SNTG1: variants seen among roughly 807,000 people sequenced by gnomAD.
The protein encoded by SNTG1 is gamma-1-syntrophin.
SNTG1 carries 39 observed loss-of-function variants against 74.7 expected under a neutral mutation model. The ratio of observed to expected loss-of-function variants is 0.52; its 90% confidence interval spans 0.40 to 0.68. The LOEUF is 0.68. Among genes scored for constraint, SNTG1 ranks in the 30% least tolerant of loss-of-function variants. The probability of loss-of-function intolerance (pLI) is 0.00; values close to 1 mark genes in which losing one functional copy is unlikely to be tolerated. For synonymous variants in SNTG1, 254 were observed against 217.1 expected (o/e 1.17, Z -1.49); for missense variants, 685 against 609.5 (o/e 1.12, Z -1.30).
chr8:50,296,589 C>T lies in SNTG1; in HGVS notation c.-27-97623C>T, dbSNP rs535311804. Among the ~76,000 whole-genome samples the T allele has an allele frequency of 3.9e-5, 6 of 152,134 alleles. No homozygotes were observed. The East Asian group carries it at 1.2e-3, about 29-fold the overall frequency. On this transcript the variant is annotated intron_variant, in intron 2 of 18. Coordinates refer to ENST00000642720, the MANE Select transcript of SNTG1 (RefSeq NM_018967.5). ...AAAACACAGGGACACAGGGAGGGAA[C>T]AACACACACTGGGGCCTGTCAGGAG...
At chr8:50,082,921 A>G (rs1391660915) in intron 1 of SNTG1, among the ~76,000 whole-genome samples, 1 of 152,152 alleles carries the variant, frequency 6.6e-6, no homozygotes, top group African/African-American at 2.4e-5. Context: ...TGCCCCAACT[A>G]CGACCTCAAT....
intron 2 of SNTG1, among the ~76,000 whole-genome samples, chr8:50,273,944 T>C (rs994894443): frequency 6.6e-6 from 1 of 152,192 alleles, no homozygotes. Context: ...ATCAAAACTT[T>C]ACAGTTTTTT....
chr8:50,082,955 C>T (rs938353349), intron 1 of SNTG1, among the ~76,000 whole-genome samples: 2 of 152,082 alleles, frequency 1.3e-5, no homozygotes, highest in Non-Finnish European at 2.9e-5. Flanking sequence ...AGCCACTGAC[C>T]TCTTTTTTCA....
intron 1 of SNTG1, among the ~76,000 whole-genome samples, chr8:50,008,028 G>T (rs980233834): frequency 5.9e-5 from 9 of 152,002 alleles, no homozygotes; most frequent in Admixed American, 2.0e-4. Context: ...CTGCCCCCAT[G>T]ATCCAATCAC....
intron 1 of SNTG1, among the ~76,000 whole-genome samples, chr8:50,146,037 G>T (rs1444792090): frequency 6.6e-6 from 1 of 151,642 alleles, no homozygotes; most frequent in African/African-American, 2.4e-5. Context: ...AAATGATTTT[G>T]TTAAACTTAT....
At chr8:50,191,864 C>A (rs1322805715) in intron 2 of SNTG1, among the ~76,000 whole-genome samples, 2 of 151,976 alleles carry the variant, frequency 1.3e-5, no homozygotes, top group African/African-American at 4.8e-5. Context: ...TCTCAGTTAG[C>A]CTATGTATGA....
At chr8:50,655,477 C>A (rs964141616) in intron 13 of SNTG1, among the ~76,000 whole-genome samples, 1 of 152,146 alleles carries the variant, frequency 6.6e-6, no homozygotes, top group Non-Finnish European at 1.5e-5. Flanking sequence ...TTACAGAATA[C>A]ATTATATAAT....
At chr8:50,056,056 T>A (rs1187730181) in intron 1 of SNTG1, among the ~76,000 whole-genome samples, 1 of 152,144 alleles carries the variant, frequency 6.6e-6, no homozygotes, top group South Asian at 2.1e-4. Context: ...CGTACATGCA[T>A]TTTGGATTGT....
chr8:50,377,519 T>C (rs1226078193), intron 2 of SNTG1, among the ~76,000 whole-genome samples: 1 of 152,182 alleles, frequency 6.6e-6, no homozygotes, highest in African/African-American at 2.4e-5. Flanking sequence ...TCTGGAAATG[T>C]ATTCATGAAT....
chr8:50,765,152 T>C (rs1350429693), intron 18 of SNTG1, among the ~76,000 whole-genome samples: 4 of 151,990 alleles, frequency 2.6e-5, no homozygotes, highest in Non-Finnish European at 4.4e-5. Context: ...TTTGTTAGAC[T>C]AGAGTAAGAG....
In SNTG1 at chr8:50,752,424, A is replaced by C. The variant is rs188343581; in HGVS notation, c.1395+313A>C. 2.5e-3 allele frequency among the ~76,000 whole-genome samples: 384 copies of C among 152,140 alleles called. 1 individual carries two copies. The highest frequency in any genetic ancestry group is 4.4e-3 in the Non-Finnish European group (298 of 67,970). On this transcript the variant is annotated intron_variant, in intron 18 of 18. Transcript: ENST00000642720. ...CAGTCCTTTGGTAGTTTCATTCTAA[A>C]TAATAATTTAAAATACTTTGTAAAA...
At chr8:50,110,407 C>T (rs988227157) in intron 1 of SNTG1, among the ~76,000 whole-genome samples, 5 of 152,162 alleles carry the variant, frequency 3.3e-5, no homozygotes, top group African/African-American at 4.8e-5. Context: ...TCATCAGTGA[C>T]CATCATCAGC....
At chr8:50,697,016 T>C (rs568758850) in intron 15 of SNTG1, among the ~76,000 whole-genome samples, 7 of 152,214 alleles carry the variant, frequency 4.6e-5, no homozygotes, top group African/African-American at 1.4e-4. Flanking sequence ...TGCATTGAAA[T>C]TGTAAATTGT....
intron 17 of SNTG1, among the ~76,000 whole-genome samples, chr8:50,717,877 T>C (rs10099939): frequency 0.11 from 16,083 of 152,186 alleles, 2,397 homozygotes; most frequent in African/African-American, 0.33. Flanking sequence ...AGTACATGAG[T>C]ACCAGCGACC....
chr8:50,159,916 T>A (rs2082364289), intron 1 of SNTG1, among the ~76,000 whole-genome samples: 1 of 152,174 alleles, frequency 6.6e-6, no homozygotes, highest in African/African-American at 2.4e-5. Flanking sequence ...AACCAAGTTC[T>A]TCAGAATCCA....
Position 50,505,189 on chromosome 8 carries a change from A to AC in SNTG1, c.466+2310dup, listed in dbSNP as rs200645834. Among the ~76,000 whole-genome samples, 18 of 152,298 alleles carry AC rather than the reference A, an allele frequency of 1.2e-4. No individual in the cohort carries two copies. In the East Asian group the frequency reaches 3.5e-3, roughly 29 times the overall value. On this transcript the variant is annotated intron_variant, in intron 9 of 18. Coordinates refer to ENST00000642720, the MANE Select transcript of SNTG1 (RefSeq NM_018967.5). ...TTTCATTCCTATTTAAGAATGAATA[A>AC]CATTCTTTCATATGCATATACCACA...
chr8:50,268,041 A>G (rs554739744), intron 2 of SNTG1, among the ~76,000 whole-genome samples: 12 of 152,342 alleles, frequency 7.9e-5, no homozygotes, highest in African/African-American at 2.6e-4. Context: ...AAACTTCCAG[A>G]AACACTATAT....
intron 4 of SNTG1, among the ~76,000 whole-genome samples, chr8:50,403,079 T>C (rs1369258435): frequency 1.6e-4 from 24 of 152,240 alleles, no homozygotes; most frequent in Admixed American, 1.2e-3. Context: ...TGTATAATAA[T>C]GCTATTAAAG....
At chr8:50,171,761 A>C (rs1309867158) in intron 1 of SNTG1, among the ~76,000 whole-genome samples, 1 of 152,148 alleles carries the variant, frequency 6.6e-6, no homozygotes, top group African/African-American at 2.4e-5. Flanking sequence ...ATAGGCCTCT[A>C]TATGAATCTG....
Sources: allele counts gnomAD v4.1 joint callset (sites outside exome capture counted in the v4.1 genomes callset), GRCh38; gene constraint gnomAD v4.1.1; transcripts MANE v1.5; gene names NCBI Gene and HGNC (gene_info 2026-07-23, HGNC 2026-07-21).